PARP8: variants seen among roughly 807,000 people sequenced by gnomAD.
PARP8 encodes the protein protein mono-ADP-ribosyltransferase PARP8.
In PARP8, 51 loss-of-function variants were observed where a neutral mutation model predicts 124.1. That is an observed-to-expected ratio of 0.41 (90% CI 0.33 to 0.52). The LOEUF is 0.52. Among genes scored for constraint, PARP8 ranks in the 20% least tolerant of loss-of-function variants. PARP8 has a pLI of 0.21. For synonymous variants in PARP8, 391 were observed against 361.5 expected (o/e 1.08, Z -0.93); for missense variants, 860 against 1,018.9 (o/e 0.84, Z 2.12).
intron 2 of PARP8, among the ~76,000 whole-genome samples, chr5:50,744,285 T>C (rs1220703706): frequency 6.6e-6 from 1 of 152,192 alleles, no homozygotes; most frequent in African/African-American, 2.4e-5. Flanking sequence ...TCTTAGCTCA[T>C]TGCAGACATT....
chr5:50,721,792 G>T (rs1376656338), intron 2 of PARP8, among the ~76,000 whole-genome samples: 1 of 152,020 alleles, frequency 6.6e-6, no homozygotes, highest in Admixed American at 6.6e-5. Flanking sequence ...GTAGGAAAAA[G>T]TTCTTATTGG....
chr5:50,713,223 A>G (rs1754956355), intron 2 of PARP8, among the ~76,000 whole-genome samples: 1 of 151,922 alleles, frequency 6.6e-6, no homozygotes, highest in South Asian at 2.1e-4. Context: ...TGAGTGCTCA[A>G]TAAACTTTAG....
rs201080410 is a variant in PARP8 at position 50,751,322 on chromosome 5, T to TA, written c.184+1141dup. 4.9e-3 allele frequency among the ~76,000 whole-genome samples: 753 copies of TA among 152,246 alleles called. 6 individuals carry two copies. Among genetic ancestry groups the TA allele is most frequent in the African/African-American group, 0.017 (726 of 41,560 alleles). On this transcript the variant is annotated intron_variant, in intron 3 of 25. Coordinates refer to ENST00000281631, the MANE Select transcript of PARP8 (RefSeq NM_024615.4). ...TGCCAATATACAAACATTGAAATTCTAAAAAAAGTATTGATTATCATTTGT... is the reference window on the plus strand; with the variant it reads ...TGCCAATATACAAACATTGAAATTCTAAAAAAAAGTATTGATTATCATTTGT...
At chr5:50,840,156 ATTCT>A (rs945790869) in intron 25 of PARP8, among the ~76,000 whole-genome samples, 12 of 132,340 alleles carry the variant, frequency 9.1e-5, no homozygotes, top group African/African-American at 3.1e-4. Context: ...GAAAAAAATA[ATTCT>A]TTCTATCTGT....
chr5:50,669,388 G>A (rs895724970), intron 2 of PARP8: 1 of 152,102 alleles, frequency 6.6e-6, no homozygotes, highest in African/African-American at 2.4e-5. Context: ...TATCCTCTTG[G>A]ATTATTTTAA....
At chr5:50,669,430 A>G (rs1382208440) in intron 2 of PARP8, 5 of 152,216 alleles carry the variant, frequency 3.3e-5, no homozygotes, top group African/African-American at 1.2e-4. Context: ...CCCATTAAAA[A>G]CAGAGTTGAC....
chr5:50,689,746 T>C (rs2149458592), intron 2 of PARP8, among the ~76,000 whole-genome samples: 1 of 152,346 alleles, frequency 6.6e-6, no homozygotes, highest in Non-Finnish European at 1.5e-5. Flanking sequence ...CTAATTCATT[T>C]TCTTGTCTTC....
rs1362037046 is a variant in PARP8 at position 50,829,640 on chromosome 5, G to C, written c.2164-252G>C. 3.3e-5 allele frequency among the ~76,000 whole-genome samples: 5 copies of C among 152,242 alleles called. No homozygotes were observed. The East Asian group carries it at 9.7e-4, about 29-fold the overall frequency. On this transcript the variant is annotated intron_variant, in intron 21 of 25. Transcript: ENST00000281631. ...GATCCATTAAAATAAAGGCCTACTA[G>C]TGTACTTTATAATAAATGATTGTCT...
chr5:50,681,113 C>T (rs1751242749), intron 2 of PARP8, among the ~76,000 whole-genome samples: 1 of 151,942 alleles, frequency 6.6e-6, no homozygotes, highest in Non-Finnish European at 1.5e-5. Flanking sequence ...TATTTATTAC[C>T]ATGGATATAA....
chr5:50,728,784 C>T (rs1756685525), intron 2 of PARP8, among the ~76,000 whole-genome samples: 1 of 151,958 alleles, frequency 6.6e-6, no homozygotes, highest in Admixed American at 6.6e-5. Context: ...TAAAATGTTG[C>T]ATAATGTATA....
chr5:50,745,074 G>T, intron 2 of PARP8: 1 of 261,534 alleles, frequency 3.8e-6, no homozygotes, highest in Non-Finnish European at 7.2e-6. Context: ...TACAGTCCTG[G>T]TGATTTTCCT....
At chr5:50,735,829 A>G (rs1757413847) in intron 2 of PARP8, among the ~76,000 whole-genome samples, 1 of 151,878 alleles carries the variant, frequency 6.6e-6, no homozygotes, top group African/African-American at 2.4e-5. Context: ...GGCTTTATAA[A>G]GGGGATTTAA....
At chr5:50,823,190 T>C (rs1309367849) in intron 17 of PARP8, among the ~76,000 whole-genome samples, 1 of 152,212 alleles carries the variant, frequency 6.6e-6, no homozygotes, top group African/African-American at 2.4e-5. Context: ...GGGGAGGGAA[T>C]AGGGGAACCC....
In PARP8 at chr5:50,747,796, G is replaced by A. The variant is rs758687701; in HGVS notation, c.147-2355G>A. ...TTTTTTTTTTTTTTTTTTTTGAGAC[G>A]GAGTCTCGCTCTGTCGCCCAGGCTA... On this transcript the variant is annotated intron_variant, in intron 2 of 25. Transcript: ENST00000281631. Among the ~76,000 whole-genome samples, 45 of 104,316 alleles carry A rather than the reference G, an allele frequency of 4.3e-4. 1 individual carries two copies. In the East Asian group the frequency reaches 6.8e-3, roughly 16 times the overall value. 68.4% of individuals were successfully genotyped at this position (104,316 alleles called of 152,430 possible). A position where few individuals can be genotyped will look rare whatever the true frequency, so the allele number is the denominator to read the frequency against.
intron 2 of PARP8, among the ~76,000 whole-genome samples, chr5:50,682,929 G>T (rs548672255): frequency 2.0e-5 from 1 of 51,222 alleles, no homozygotes; most frequent in Non-Finnish European, 5.2e-5. Context: ...TCTAATAAGC[G>T]TGAGTACATT....
intron 2 of PARP8, among the ~76,000 whole-genome samples, chr5:50,701,650 T>TA (rs1753606311): frequency 6.6e-6 from 1 of 152,124 alleles, no homozygotes. Context: ...GTTAAAGAGA[T>TA]AAAGTTAGTT....
intron 2 of PARP8, among the ~76,000 whole-genome samples, chr5:50,684,099 G>T (rs935664141): frequency 6.6e-6 from 1 of 152,002 alleles, no homozygotes; most frequent in African/African-American, 2.4e-5. Flanking sequence ...AATAATATTT[G>T]AATGAACAGT....
At chr5:50,752,290 C>CT (rs1415303849) in intron 3 of PARP8, among the ~76,000 whole-genome samples, 1 of 151,918 alleles carries the variant, frequency 6.6e-6, no homozygotes, top group Non-Finnish European at 1.5e-5. Flanking sequence ...CATTAAAGAC[C>CT]TTAAGTTGCT....
intron 9 of PARP8, among the ~76,000 whole-genome samples, chr5:50,783,100 T>C (rs1312212597): frequency 4.0e-5 from 6 of 150,384 alleles, no homozygotes; most frequent in East Asian, 2.0e-4. Flanking sequence ...GGAGAAGATA[T>C]GGCAACTGCT....
Sources: gnomAD v4.1 joint callset for allele counts (sites outside exome capture counted in the v4.1 genomes callset) on GRCh38, gnomAD v4.1.1 for gene constraint, MANE v1.5 for transcripts, NCBI Gene and HGNC (gene_info 2026-07-23, HGNC 2026-07-21) for gene names.